Variants in ADAMTS9 observed in about 807,000 individuals in gnomAD.
The protein encoded by ADAMTS9 is A disintegrin and metalloproteinase with thrombospondin motifs 9.
In ADAMTS9, 107 loss-of-function variants were observed where a neutral mutation model predicts 257.1. The ratio of observed to expected loss-of-function variants is 0.42; its 90% CI spans 0.36 to 0.49. The LOEUF (loss-of-function observed/expected upper bound fraction) is 0.49. ADAMTS9 is among the 20% of genes least tolerant of loss of function. The pLI, the probability that ADAMTS9 is intolerant of heterozygous loss-of-function variation, is 0.03. For missense variants in ADAMTS9, 2,353 were observed against 2,469.1 expected, an observed-to-expected ratio of 0.95 and a Z score of 1.00; for synonymous variants, 982 against 880.9, an observed-to-expected ratio of 1.11 and a Z score of -2.03.
At chr3:64,614,337 T>A (rs544849453) in intron 21 of ADAMTS9, among the ~76,000 whole-genome samples, 6 of 152,198 alleles carry the variant, frequency 3.9e-5, no homozygotes, top group Non-Finnish European at 8.8e-5. Context: ...ACTAAAGCAC[T>A]AGGTTTGCAG....
At chr3:64,610,544 C>G (rs4361274) in intron 22 of ADAMTS9, among the ~76,000 whole-genome samples, 32,183 of 151,926 alleles carry the variant, frequency 0.21, 3,973 homozygotes, top group East Asian at 0.47. Flanking sequence ...TGAATAGACA[C>G]TTCTCCAAGG....
In ADAMTS9 at chr3:64,613,333, C is replaced by T. The variant is rs115182336; in HGVS notation, c.3354+12G>A. 653 of 1,611,714 alleles carry T rather than the reference C, an allele frequency of 4.1e-4. 4 individuals carry two copies. The African/African-American group carries it at 7.2e-3, about 18-fold the overall frequency. On this transcript the variant is annotated intron_variant, in intron 22 of 39. Transcript: ENST00000498707. ...AGAATGTAGCAGTTAAGAATCTTAT[C>T]GTTCAAAATACCTGTCCCCAGGGAC...
At position 64,625,645 on chromosome 3, in the gene ADAMTS9, A is replaced by G. The variant is rs187756758; in HGVS notation, c.2390-3059T>C. 1.6e-4 allele frequency among the ~76,000 whole-genome samples: 24 copies of G among 152,302 alleles called. No homozygotes were observed. In the East Asian group the frequency reaches 4.4e-3, roughly 28 times the overall value. On this transcript the variant is annotated intron_variant, in intron 16 of 39. Transcript: ENST00000498707. ...TTCATTTACCAGAATTCTCACCCACATAAACAACATCTGGCCCCAAGAGAA... is the reference window on the plus strand; with the variant it reads ...TTCATTTACCAGAATTCTCACCCACGTAAACAACATCTGGCCCCAAGAGAA...
rs111805744 is a variant in ADAMTS9, at chr3:64,586,216, C to T, written c.4356+8042G>A. ...TGTAGAGAGGATTAAGTTAGACAAA[C>T]GTGGGTGAATTGTTTAGCATAATTC... On this transcript the variant is annotated intron_variant, in intron 28 of 39. Transcript: ENST00000498707. Among the ~76,000 whole-genome samples, 79 of 152,028 alleles carry T rather than the reference C, an allele frequency of 5.2e-4. 1 individual carries two copies. Among genetic ancestry groups the T allele is most frequent in the Admixed American group, 3.9e-3 (59 of 15,264 alleles).
intron 2 of ADAMTS9, among the ~76,000 whole-genome samples, chr3:64,684,567 G>C (rs941797943): frequency 2.0e-5 from 3 of 152,152 alleles, no homozygotes; most frequent in African/African-American, 4.8e-5. Flanking sequence ...AGGGGTTTTG[G>C]AGCTAGATTA....
chr3:64,638,452 G>A (rs57936509), intron 12 of ADAMTS9, among the ~76,000 whole-genome samples: 8,602 of 152,204 alleles, frequency 0.057, 376 homozygotes, highest in East Asian at 0.22. Flanking sequence ...CTGGGTGACC[G>A]TGTAATTAAT....
At chr3:64,522,354 A>C (rs2106871544) in intron 38 of ADAMTS9, 94 bp from the exon 39 acceptor site, 2 of 1,078,012 alleles carry the variant, frequency 1.9e-6, no homozygotes, top group African/African-American at 3.1e-5. Context: ...TACACACAGT[A>C]AACAGGCCTT....
chr3:64,590,269 T>C (rs1467754888), intron 28 of ADAMTS9, among the ~76,000 whole-genome samples: 1 of 152,190 alleles, frequency 6.6e-6, no homozygotes, highest in African/African-American at 2.4e-5. Context: ...CAAAGCTAGA[T>C]ACTTGGCTAC....
At chr3:64,612,313 T>C (rs375583844) in intron 22 of ADAMTS9, among the ~76,000 whole-genome samples, 2 of 152,162 alleles carry the variant, frequency 1.3e-5, no homozygotes, top group South Asian at 4.1e-4. Context: ...ATCTTGACAG[T>C]GACCCTAAGC....
intron 39 of ADAMTS9, among the ~76,000 whole-genome samples, chr3:64,517,415 G>GT (rs1242670245): frequency 2.6e-4 from 3 of 11,544 alleles, no homozygotes; most frequent in Non-Finnish European, 3.0e-4. Flanking sequence ...AATTAAAAAT[G>GT]GTTTTTTTTT....
At chr3:64,635,356 C>T (rs762105933) in intron 12 of ADAMTS9, among the ~76,000 whole-genome samples, 6 of 152,234 alleles carry the variant, frequency 3.9e-5, no homozygotes, top group East Asian at 1.9e-4. Context: ...AAAACAGAGA[C>T]GATGCTGTGT....
At position 64,561,763 on chromosome 3, in the gene ADAMTS9, G is replaced by A. The variant is rs202061376; in HGVS notation, c.4525-12C>T. 9 of 1,388,380 alleles carry A rather than the reference G, an allele frequency of 6.5e-6. No individual in the cohort carries two copies. Among genetic ancestry groups the A allele is most frequent in the Non-Finnish European group, 8.7e-6 (9 of 1,033,400 alleles). The allele number at this position is 1,388,380 out of a possible 1,614,324, so 86.0% of individuals were successfully genotyped here. ...CAGGACACAGAGCACTAAGAAGACA[G>A]AGAACGTAAGTGGGAGCTTCGGCTC... is the stretch of plus-strand genomic sequence containing the variant. On this transcript the variant is annotated splice_polypyrimidine_tract_variant and intron_variant, in intron 29 of 39. Transcript: ENST00000498707.
intron 2 of ADAMTS9, among the ~76,000 whole-genome samples, chr3:64,683,031 A>G (rs1045968412): frequency 6.6e-6 from 1 of 152,198 alleles, no homozygotes; most frequent in Non-Finnish European, 1.5e-5. Flanking sequence ...GTTTAAGAAA[A>G]GGGCAGCTCA....
At chr3:64,628,861 T>A (rs1700295482) in intron 16 of ADAMTS9, among the ~76,000 whole-genome samples, 1 of 152,198 alleles carries the variant, frequency 6.6e-6, no homozygotes, top group Admixed American at 6.5e-5. Flanking sequence ...TATGTAGGCT[T>A]CATATCAGTA....
chr3:64,541,149 C>A lies in ADAMTS9; in HGVS notation c.5467G>T (p.Gly1823Trp). Residue 1823 changes from glycine to tryptophan, a missense_variant, in exon 36 of 40, where the codon GGG becomes TGG. Coordinates refer to ENST00000498707, the MANE Select transcript of ADAMTS9 (RefSeq NM_182920.2). The stretch of plus-strand genomic sequence containing the variant: ...CTGATTTTCTGAAAACTGGAAAACC[C>A]AGCGGCCGTGTAATCCTTCCGACAT... Reference protein sequence around the residue: ...CQCRKDYTAAGFSSFQKIRID... With the variant: ...CQCRKDYTAAWFSSFQKIRID... 6.2e-7 allele frequency: 1 copy of A among 1,614,198 alleles called. No homozygotes were observed. The highest frequency in any genetic ancestry group is 1.1e-5 in the South Asian group (1 of 91,078).
intron 12 of ADAMTS9, 48 bp downstream of exon 12, chr3:64,641,800 C>A (rs970442837): frequency 1.2e-6 from 2 of 1,603,722 alleles, no homozygotes; most frequent in South Asian, 1.1e-5. Context: ...TTAGGAATTT[C>A]ATGTTCCTGC....
intron 38 of ADAMTS9, among the ~76,000 whole-genome samples, chr3:64,523,927 T>G (rs2082880256): frequency 1.3e-5 from 2 of 152,226 alleles, no homozygotes. Flanking sequence ...CTCTGAATAT[T>G]AGCTTTTGCT....
At chr3:64,581,894 G>A (rs746185388) in intron 28 of ADAMTS9, among the ~76,000 whole-genome samples, 3 of 151,922 alleles carry the variant, frequency 2.0e-5, no homozygotes, top group Non-Finnish European at 4.4e-5. Context: ...AATTTCTGAG[G>A]TTGATGACAG....
intron 28 of ADAMTS9, among the ~76,000 whole-genome samples, chr3:64,573,057 C>T (rs947446687): frequency 2.2e-4 from 28 of 128,740 alleles, no homozygotes; most frequent in African/African-American, 4.9e-4. Flanking sequence ...AGCCTGGCGA[C>T]GGAGTGAGTG....
Sources: allele counts gnomAD v4.1 joint callset (sites outside exome capture counted in the v4.1 genomes callset), GRCh38; gene constraint gnomAD v4.1.1; transcripts MANE v1.5; gene names NCBI Gene and HGNC (gene_info 2026-07-23, HGNC 2026-07-21).